ANKIB1: variants seen among roughly 807,000 people sequenced by gnomAD.
ANKIB1 encodes ankyrin repeat and IBR domain-containing protein 1.
In ANKIB1, 43 loss-of-function variants were observed where a neutral mutation model predicts 122.1. The ratio of observed to expected loss-of-function variants is 0.35; its 90% confidence interval spans 0.28 to 0.45. The LOEUF (loss-of-function observed/expected upper bound fraction) is 0.45. Ranked by LOEUF, ANKIB1 falls within the 20% of genes least tolerant of loss-of-function variation. The probability of loss-of-function intolerance (pLI) is 1.00; values close to 1 mark genes in which losing one functional copy is unlikely to be tolerated. For missense variants in ANKIB1, 992 were observed against 1,329.5 expected (o/e 0.75, Z 3.95); for synonymous variants, 390 against 442.0 (o/e 0.88, Z 1.48).
chr7:92,317,630 G>C (rs1296355805), intron 3 of ANKIB1, among the ~76,000 whole-genome samples: 2 of 152,192 alleles, frequency 1.3e-5, no homozygotes, highest in Non-Finnish European at 2.9e-5. Context: ...CCTCTGGCTA[G>C]AGCAAGAAGC....
chr7:92,378,044 T>A (rs146952205), intron 11 of ANKIB1, among the ~76,000 whole-genome samples: 1 of 152,316 alleles, frequency 6.6e-6, no homozygotes, highest in Admixed American at 6.5e-5. Context: ...TGTGGATTAT[T>A]CTTACTTGTA....
Position 92,317,192 on chromosome 7 carries a change from T to C in ANKIB1, c.487-2138T>C, listed in dbSNP as rs548208269. Among the ~76,000 whole-genome samples, 8 of 152,340 alleles carry C rather than the reference T, an allele frequency of 5.3e-5. No individual in the cohort carries two copies. The East Asian group carries it at 1.3e-3, about 26-fold the overall frequency. On this transcript the variant is annotated intron_variant, in intron 3 of 19. Transcript: ENST00000265742. ...CCCGTATTGAATAAATTAGGTAATA[T>C]AAATTTATCAGTTTCCACAGCCACA...
At chr7:92,260,541 G>A (rs1455705075) in intron 1 of ANKIB1, among the ~76,000 whole-genome samples, 4 of 152,220 alleles carry the variant, frequency 2.6e-5, no homozygotes, top group Middle Eastern at 3.4e-3. Flanking sequence ...TTAGCTGGGC[G>A]TGGTGGTACA....
At chr7:92,289,881 A>G (rs568525146) in intron 1 of ANKIB1, among the ~76,000 whole-genome samples, 2 of 152,286 alleles carry the variant, frequency 1.3e-5, no homozygotes, top group Non-Finnish European at 2.9e-5. Flanking sequence ...GGGTAGCACT[A>G]TCTCGGCTCA....
intron 5 of ANKIB1, among the ~76,000 whole-genome samples, chr7:92,330,872 T>C (rs1359558323): frequency 6.6e-6 from 1 of 151,962 alleles, no homozygotes; most frequent in Non-Finnish European, 1.5e-5. Flanking sequence ...AAACAAAATA[T>C]TTTCTTTTTA....
chr7:92,331,884 CATA>C lies in ANKIB1; in HGVS notation c.787+3986_787+3988del, dbSNP rs147269653. Among the ~76,000 whole-genome samples the C allele has an allele frequency of 6.7e-3, 1,015 of 152,158 alleles. 10 individuals are homozygous for C. Among genetic ancestry groups the C allele is most frequent in the African/African-American group, 0.023 (965 of 41,486 alleles). On this transcript the variant is annotated intron_variant, in intron 5 of 19. Coordinates refer to ENST00000265742, the MANE Select transcript of ANKIB1 (RefSeq NM_019004.2). ...ACATTCAGCCAAATCATATAGTGTT[CATA>C]ACTCTTAAGCTATAGTATCATATAG...
chr7:92,281,285 T>C (rs993331909), intron 1 of ANKIB1, among the ~76,000 whole-genome samples: 2 of 152,210 alleles, frequency 1.3e-5, no homozygotes, highest in African/African-American at 4.8e-5. Flanking sequence ...TGTACCAATA[T>C]TCCAGACTTT....
chr7:92,308,736 A>G (rs1802622473), intron 3 of ANKIB1, among the ~76,000 whole-genome samples: 1 of 152,156 alleles, frequency 6.6e-6, no homozygotes, highest in African/African-American at 2.4e-5. Flanking sequence ...CGTCACTACT[A>G]TACATACAAC....
intron 1 of ANKIB1, among the ~76,000 whole-genome samples, chr7:92,286,273 G>A (rs1398225432): frequency 6.6e-6 from 1 of 152,030 alleles, no homozygotes; most frequent in Non-Finnish European, 1.5e-5. Flanking sequence ...CACCATCAGG[G>A]AAATCTACTG....
intron 1 of ANKIB1, among the ~76,000 whole-genome samples, chr7:92,282,636 C>T (rs1272493021): frequency 6.6e-6 from 1 of 152,190 alleles, no homozygotes; most frequent in African/African-American, 2.4e-5. Context: ...TATTTGCCAA[C>T]AGCACCACAG....
At chr7:92,302,852 G>T (rs577745309) in intron 2 of ANKIB1, among the ~76,000 whole-genome samples, 1 of 152,170 alleles carries the variant, frequency 6.6e-6, no homozygotes, top group South Asian at 2.1e-4. Context: ...TGCAAACCCC[G>T]TAGGGCAGGG....
chr7:92,318,909 C>T (rs1203401924), intron 3 of ANKIB1, among the ~76,000 whole-genome samples: 1 of 152,178 alleles, frequency 6.6e-6, no homozygotes. Flanking sequence ...CATGCCAGGA[C>T]ATCCAGACTT....
chr7:92,391,115 T>G, intron 15 of ANKIB1, 51 bp from the exon 16 acceptor site: 1 of 1,459,864 alleles, frequency 6.8e-7, no homozygotes, highest in South Asian at 1.5e-5. Flanking sequence ...GGATTTGCTA[T>G]TGATTAACCT....
intron 2 of ANKIB1, among the ~76,000 whole-genome samples, chr7:92,295,730 C>T (rs1802341249): frequency 6.6e-6 from 1 of 152,100 alleles, no homozygotes; most frequent in African/African-American, 2.4e-5. Flanking sequence ...CAAACATTTT[C>T]TTAAAACTGA....
intron 1 of ANKIB1, among the ~76,000 whole-genome samples, chr7:92,276,023 T>C (rs1242089024): frequency 6.6e-6 from 1 of 152,188 alleles, no homozygotes; most frequent in African/African-American, 2.4e-5. Context: ...TATCTACATC[T>C]ATATATAATA....
rs781603529 is a variant in ANKIB1, at chr7:92,246,428, T to TCAC, written c.-179_-177dup. 2.1e-5 allele frequency: 11 copies of TCAC among 515,670 alleles called. No homozygotes were observed. In the East Asian group the frequency reaches 6.0e-4, roughly 28 times the overall value. 31.9% of individuals were successfully genotyped at this position (515,670 alleles called of 1,614,324 possible). ...GGTGGGGCGGGCTGGGTACCTGAGGTCACCAGCTCGGCTGTAGAGGCAGGG... is the reference window on the plus strand; with the variant it reads ...GGTGGGGCGGGCTGGGTACCTGAGGTCACCACCAGCTCGGCTGTAGAGGCAGGG... On this transcript the variant is annotated 5_prime_UTR_variant, in exon 1 of 20. Transcript: ENST00000265742.
intron 5 of ANKIB1, among the ~76,000 whole-genome samples, chr7:92,335,274 T>C (rs755456890): frequency 1.3e-5 from 2 of 152,116 alleles, no homozygotes; most frequent in South Asian, 2.1e-4. Flanking sequence ...GATTTCAGTC[T>C]TTTGAAATTT....
chr7:92,398,097 T>C, intron 19 of ANKIB1, 115 bp from the exon 20 acceptor site: 1 of 1,200,984 alleles, frequency 8.3e-7, no homozygotes, highest in Non-Finnish European at 1.1e-6. Flanking sequence ...AAAATAATTT[T>C]TCTGTATAAA....
chr7:92,266,101 G>A lies in ANKIB1; in HGVS notation c.-91+19582G>A, dbSNP rs117012444. On this transcript the variant is annotated intron_variant, in intron 1 of 19. Transcript: ENST00000265742. ...ATTCCATCAGGAATCTGAGAACCAG[G>A]TGTCCAGTGAGGTTGGAGGAAAGAC... 7.8e-3 allele frequency among the ~76,000 whole-genome samples: 1,182 copies of A among 152,318 alleles called. 6 individuals are homozygous for A. The highest frequency in any genetic ancestry group is 0.012 in the Non-Finnish European group (810 of 68,032).
Sources: allele counts gnomAD v4.1 joint callset (sites outside exome capture counted in the v4.1 genomes callset), GRCh38; gene constraint gnomAD v4.1.1; transcripts MANE v1.5; gene names NCBI Gene and HGNC (gene_info 2026-07-23, HGNC 2026-07-21).